Variants in ENTREP2 observed in about 807,000 individuals in gnomAD.
ENTREP2 encodes the protein protein ENTREP2.
At chr15:29,307,234 G>C in the ENTREP2 span, among the ~76,000 whole-genome samples, 1 of 151,790 alleles carries the variant, frequency 6.6e-6, no homozygotes, top group Admixed American at 6.6e-5. Flanking sequence ...TGACGAAATA[G>C]GAAAATTTGA....
chr15:29,328,393 C>T, the ENTREP2 span, among the ~76,000 whole-genome samples: 3 of 152,002 alleles, frequency 2.0e-5, no homozygotes, highest in Non-Finnish European at 2.9e-5. Context: ...ACTGTACAGG[C>T]CAAAGAGCTA....
chr15:29,462,276 T>C, the ENTREP2 span, among the ~76,000 whole-genome samples: 6 of 152,142 alleles, frequency 3.9e-5, no homozygotes, highest in South Asian at 2.1e-4. Context: ...AGAAGTGGGA[T>C]TGCTGGATCA....
At chr15:29,306,100 G>A in the ENTREP2 span, among the ~76,000 whole-genome samples, 1 of 152,240 alleles carries the variant, frequency 6.6e-6, no homozygotes, top group Non-Finnish European at 1.5e-5. Context: ...TGGGGCCCCA[G>A]GCAGCGCTGC....
the ENTREP2 span, among the ~76,000 whole-genome samples, chr15:29,323,477 G>A: frequency 2.9e-4 from 44 of 152,098 alleles, no homozygotes; most frequent in African/African-American, 7.7e-4. Context: ...TCTCCTCATC[G>A]GTGTCCTTTC....
At chr15:29,191,777 G>C in the ENTREP2 span, among the ~76,000 whole-genome samples, 2 of 152,146 alleles carry the variant, frequency 1.3e-5, no homozygotes, top group African/African-American at 4.8e-5. Flanking sequence ...AGCTGGGCAT[G>C]GTGGCATATG....
At chr15:29,193,817 C>A in the ENTREP2 span, among the ~76,000 whole-genome samples, 4 of 152,044 alleles carry the variant, frequency 2.6e-5, no homozygotes, top group Non-Finnish European at 5.9e-5. Context: ...AGATTGGTAA[C>A]AAAAATCAAA....
the ENTREP2 span, among the ~76,000 whole-genome samples, chr15:29,286,655 G>C: frequency 9.2e-5 from 14 of 152,224 alleles, no homozygotes; most frequent in African/African-American, 3.4e-4. Context: ...CCCCACTGTA[G>C]TGCTCTCCTT....
At chr15:29,440,383 G>T in the ENTREP2 span, among the ~76,000 whole-genome samples, 1 of 152,014 alleles carries the variant, frequency 6.6e-6, no homozygotes, top group Admixed American at 6.6e-5. Flanking sequence ...CCTACATGTG[G>T]GGAAATATTT....
At chr15:29,303,152 G>T in the ENTREP2 span, among the ~76,000 whole-genome samples, 1 of 152,210 alleles carries the variant, frequency 6.6e-6, no homozygotes, top group African/African-American at 2.4e-5. Flanking sequence ...CCTGCCACTT[G>T]AAATATGGGG....
chr15:29,657,104 G>C, the ENTREP2 span, among the ~76,000 whole-genome samples: 13 of 152,138 alleles, frequency 8.5e-5, no homozygotes, highest in African/African-American at 1.7e-4. Context: ...CCAGAGGGCA[G>C]TGGCGCGGTC....
the ENTREP2 span, among the ~76,000 whole-genome samples, chr15:29,385,154 T>C: frequency 3.3e-5 from 5 of 152,148 alleles, no homozygotes; most frequent in Non-Finnish European, 7.3e-5. Flanking sequence ...AGCTGAAGTG[T>C]ATTAAACTAT....
the ENTREP2 span, among the ~76,000 whole-genome samples, chr15:29,617,270 A>C: frequency 6.6e-6 from 1 of 152,042 alleles, no homozygotes; most frequent in Non-Finnish European, 1.5e-5. Context: ...GAGCACCAGG[A>C]ATGCACACGT....
chr15:29,202,920 A>G, the ENTREP2 span, among the ~76,000 whole-genome samples: 1 of 152,176 alleles, frequency 6.6e-6, no homozygotes, highest in African/African-American at 2.4e-5. Flanking sequence ...AGTCTTTGCT[A>G]TTGTAAATAG....
At chr15:29,592,903 A>G in the ENTREP2 span, among the ~76,000 whole-genome samples, 1 of 152,112 alleles carries the variant, frequency 6.6e-6, no homozygotes, top group African/African-American at 2.4e-5. Flanking sequence ...TGCACACAGC[A>G]GCTCCCCTTC....
the ENTREP2 span, among the ~76,000 whole-genome samples, chr15:29,627,368 C>A: frequency 3.6e-3 from 553 of 152,130 alleles, 3 homozygotes; most frequent in African/African-American, 0.013. Flanking sequence ...CATGGTGAAA[C>A]TTCGTCTCTA....
chr15:29,118,668 A>G, the ENTREP2 span, among the ~76,000 whole-genome samples: 1 of 152,180 alleles, frequency 6.6e-6, no homozygotes, highest in Non-Finnish European at 1.5e-5. Flanking sequence ...TTCAGATTTC[A>G]ACGTAAATGG....
At chr15:29,566,244 C>T in the ENTREP2 span, among the ~76,000 whole-genome samples, 5 of 151,844 alleles carry the variant, frequency 3.3e-5, no homozygotes, top group African/African-American at 4.8e-5. Flanking sequence ...CTGCAAGCTC[C>T]GCCTCCTGGG....
At chr15:29,621,074 G>A in the ENTREP2 span, among the ~76,000 whole-genome samples, 1 of 152,142 alleles carries the variant, frequency 6.6e-6, no homozygotes, top group African/African-American at 2.4e-5. Flanking sequence ...AATGGCGCTG[G>A]CAGTAGTTGC....
At chr15:29,597,362 A>C in the ENTREP2 span, among the ~76,000 whole-genome samples, 1 of 151,998 alleles carries the variant, frequency 6.6e-6, no homozygotes, top group African/African-American at 2.4e-5. Context: ...TGAGGTCAGG[A>C]GTTCGAGACC....
Sources: allele counts gnomAD v4.1 joint callset (sites outside exome capture counted in the v4.1 genomes callset), GRCh38; gene constraint gnomAD v4.1.1; transcripts MANE v1.5; gene names NCBI Gene and HGNC (gene_info 2026-07-23, HGNC 2026-07-21).